The following ABI3BP variants were observed in gnomAD, a reference collection of about 807,000 sequenced individuals.
ABI3BP encodes the protein ABI family member 3 binding protein, also known as target of Nesh-SH3.
A neutral mutation model predicts 268.6 loss-of-function variants in ABI3BP; 216 were observed. The ratio of observed to expected loss-of-function variants is 0.80; its 90% CI spans 0.72 to 0.90. ABI3BP has a LOEUF of 0.90. ABI3BP is among the 40% of genes least tolerant of loss of function. The pLI is 0.00. For synonymous variants in ABI3BP, 730 were observed against 730.0 expected, an observed-to-expected ratio of 1.00 and a Z score of 0.00; for missense variants, 2,090 against 2,182.4, an observed-to-expected ratio of 0.96 and a Z score of 0.84.
intron 44 of ABI3BP, among the ~76,000 whole-genome samples, chr3:100,815,233 T>C (rs1578729334): frequency 6.6e-6 from 1 of 152,170 alleles, no homozygotes; most frequent in East Asian, 1.9e-4. Flanking sequence ...TAAAACATGT[T>C]AGATTTTCTT....
rs1560799088 is a variant in ABI3BP, at chr3:100,850,056, G to T, written c.1490C>A (p.Pro497His). The T allele has an allele frequency of 1.9e-6, 3 of 1,611,276 alleles. No individual in the cohort carries two copies. The African/African-American group carries it at 4.0e-5, about 21-fold the overall frequency. ...ATGTCATTAGTTACCAGGTGTCGTA[G>T]GCTGCATTTCTGGACTGGTAAAGAT... is the stretch of plus-strand genomic sequence containing the variant. The part of the protein sequence containing the change: ...LEIFTSPEMQ[P>H]TTPAPQQTTS... Residue 497 changes from proline (P) to histidine (H), a missense_variant, in exon 17 of 68, where the codon CCT becomes CAT. Pro to His is a moderately conservative substitution (Grantham distance 77). Transcript: ENST00000471714.
At chr3:100,787,605 G>T in intron 57 of ABI3BP, 123 bp downstream of exon 57, 1 of 765,922 alleles carries the variant, frequency 1.3e-6, no homozygotes, top group Non-Finnish European at 1.9e-6. Flanking sequence ...CAGTTACAGA[G>T]TTACTAAGAA....
chr3:100,858,254 C>A (rs2098960475), intron 14 of ABI3BP, among the ~76,000 whole-genome samples: 1 of 152,178 alleles, frequency 6.6e-6, no homozygotes, highest in Non-Finnish European at 1.5e-5. Context: ...CAAAATCAAT[C>A]AATTTCATTT....
intron 1 of ABI3BP, among the ~76,000 whole-genome samples, chr3:100,963,757 T>C (rs1182847925): frequency 2.0e-5 from 3 of 152,178 alleles, no homozygotes; most frequent in Non-Finnish European, 4.4e-5. Context: ...ACCTGCTCCA[T>C]CCACAGTAGG....
intron 2 of ABI3BP, among the ~76,000 whole-genome samples, chr3:100,917,234 A>G (rs2058880239): frequency 6.6e-6 from 1 of 152,210 alleles, no homozygotes; most frequent in South Asian, 2.1e-4. Flanking sequence ...CTGGTGAGAC[A>G]TGACACAGAA....
chr3:100,764,518 T>C (rs2096167444), intron 63 of ABI3BP, among the ~76,000 whole-genome samples: 1 of 152,192 alleles, frequency 6.6e-6, no homozygotes, highest in African/African-American at 2.4e-5. Context: ...AGCTAATAAG[T>C]GCACTGTGAG....
chr3:100,774,432 AC>A (rs1025441003), intron 61 of ABI3BP, among the ~76,000 whole-genome samples, 172 bp downstream of exon 61: 21 of 152,200 alleles, frequency 1.4e-4, no homozygotes, highest in Non-Finnish European at 2.9e-5. Flanking sequence ...ACTAAGCTAA[AC>A]ATATCCTAGA....
chr3:100,974,989 G>C (rs1425089276), intron 1 of ABI3BP, among the ~76,000 whole-genome samples: 2 of 152,114 alleles, frequency 1.3e-5, no homozygotes, highest in African/African-American at 4.8e-5. Context: ...TTTATAGACA[G>C]TCTCGGCAAA....
At chr3:100,873,389 G>A (rs952007251) in intron 9 of ABI3BP, among the ~76,000 whole-genome samples, 1 of 152,168 alleles carries the variant, frequency 6.6e-6, no homozygotes, top group Non-Finnish European at 1.5e-5. Context: ...TACCTCATTA[G>A]ATTTGATGTC....
At chr3:100,976,137 A>G (rs1259954431) in intron 1 of ABI3BP, among the ~76,000 whole-genome samples, 1 of 152,202 alleles carries the variant, frequency 6.6e-6, no homozygotes. Context: ...AGTAAACTAT[A>G]GGTAAAATAT....
intron 43 of ABI3BP, chr3:100,816,456 A>T (rs1183678405): frequency 6.6e-6 from 4 of 609,344 alleles, no homozygotes; most frequent in African/African-American, 1.8e-5. Flanking sequence ...AGGGACCAAG[A>T]ACGTCATCCA....
chr3:100,981,163 C>G (rs991563412), intron 1 of ABI3BP, among the ~76,000 whole-genome samples: 1 of 151,678 alleles, frequency 6.6e-6, no homozygotes, highest in Non-Finnish European at 1.5e-5. Flanking sequence ...TTGGTCATGC[C>G]AAGATAAATG....
intron 62 of ABI3BP, among the ~76,000 whole-genome samples, chr3:100,766,567 T>C (rs550261307): frequency 2.0e-5 from 3 of 152,214 alleles, no homozygotes; most frequent in Non-Finnish European, 4.4e-5. Flanking sequence ...ATTTTCCTTG[T>C]ATTGAAAAAC....
At chr3:100,840,885 G>T in intron 21 of ABI3BP, 27 bp from the exon 22 acceptor site, 1 of 1,523,010 alleles carries the variant, frequency 6.6e-7, no homozygotes, top group Non-Finnish European at 8.8e-7. Context: ...AAATCACCAA[G>T]AAAGAATCAA....
In ABI3BP at chr3:100,829,654, C is replaced by A; in HGVS notation, c.2469G>T (p.Val823=). 6.5e-7 allele frequency: 1 copy of A among 1,535,400 alleles called. No homozygotes were observed. The highest frequency in any genetic ancestry group is 1.4e-5 in the African/African-American group (1 of 73,070). The change falls in exon 33 of 68, where the codon GTG becomes GTT. Residue 823 remains valine (V), a synonymous_variant. Transcript: ENST00000471714. ...GATGTGGACGATGAGTTCGTTGAGGCACTTTGGGAGCTAAAGGAAGAAAAC... is the reference window on the plus strand; with the variant it reads ...GATGTGGACGATGAGTTCGTTGAGGAACTTTGGGAGCTAAAGGAAGAAAAC... ...EASGTTAAPK[V]PQRTHRPHPK...
chr3:100,840,930 G>T, intron 21 of ABI3BP, 72 bp from the exon 22 acceptor site: 1 of 1,226,478 alleles, frequency 8.2e-7, no homozygotes, highest in Non-Finnish European at 1.1e-6. Flanking sequence ...TTAAAACATG[G>T]AATATGCTTA....
chr3:100,989,781 G>A (rs2092626266), intron 1 of ABI3BP, among the ~76,000 whole-genome samples: 1 of 152,082 alleles, frequency 6.6e-6, no homozygotes, highest in African/African-American at 2.4e-5. Context: ...GTTCTCACTG[G>A]TTTTTATTTT....
intron 41 of ABI3BP, among the ~76,000 whole-genome samples, chr3:100,817,761 CT>C (rs769069309): frequency 2.6e-5 from 4 of 152,180 alleles, no homozygotes; most frequent in Non-Finnish European, 4.4e-5. Flanking sequence ...GTTGGACAAG[CT>C]TTTTACACAT....
chr3:100,894,864 G>A lies in ABI3BP; in HGVS notation c.461+3898C>T, dbSNP rs577435538. Among the ~76,000 whole-genome samples, 156 of 145,674 alleles carry A rather than the reference G, an allele frequency of 1.1e-3. No homozygotes were observed. The Middle Eastern group carries it at 0.015, about 14-fold the overall frequency. On this transcript the variant is annotated intron_variant, in intron 4 of 67. Coordinates refer to ENST00000471714, the MANE Select transcript of ABI3BP (RefSeq NM_001375547.2). ...TGAGGCAGGAGAATGGCGTGAACCC[G>A]GCAGGCGGAGCTTACAGTGAGCCGA... is the stretch of plus-strand genomic sequence containing the variant.
Sources: allele counts gnomAD v4.1 joint callset (sites outside exome capture counted in the v4.1 genomes callset), GRCh38; gene constraint gnomAD v4.1.1; transcripts MANE v1.5; gene names NCBI Gene and HGNC (gene_info 2026-07-23, HGNC 2026-07-21).